Variants in SLC8A1 observed in about 807,000 individuals in gnomAD.
The protein encoded by SLC8A1 is sodium/calcium exchanger 1.
In SLC8A1, 18 loss-of-function variants were observed where a neutral mutation model predicts 68.3. That is an observed-to-expected ratio of 0.26 (90% CI 0.18 to 0.39). The LOEUF is 0.39. SLC8A1 is among the 10% of genes least tolerant of loss of function. SLC8A1 has a pLI of 1.00. For synonymous variants in SLC8A1, 475 were observed against 415.5 expected, an observed-to-expected ratio of 1.14 and a Z score of -1.74; for missense variants, 985 against 1,156.7, an observed-to-expected ratio of 0.85 and a Z score of 2.15.
chr2:40,205,812 T>A (rs1292411198), intron 2 of SLC8A1, among the ~76,000 whole-genome samples: 2 of 124,540 alleles, frequency 1.6e-5, no homozygotes, highest in Admixed American at 9.2e-5. Flanking sequence ...TGAAAAAATA[T>A]CTTGAAAAAA....
chr2:40,253,032 T>C (rs1218846648), intron 2 of SLC8A1, among the ~76,000 whole-genome samples: 2 of 90,588 alleles, frequency 2.2e-5, no homozygotes, highest in African/African-American at 6.2e-5. Context: ...TGTATATACA[T>C]ATGTATCAGT....
At chr2:40,164,879 A>G in exon 5 of SLC8A1, 1 of 1,613,868 alleles carries the variant, frequency 6.2e-7, no homozygotes, top group East Asian at 2.2e-5. Flanking sequence ...TTCTTCAATG[A>G]TCACTTCCAA....
chr2:40,482,631 G>C (rs1191914293), intron 1 of SLC8A1, among the ~76,000 whole-genome samples: 1 of 152,096 alleles, frequency 6.6e-6, no homozygotes, highest in Non-Finnish European at 1.5e-5. Flanking sequence ...CACACAGCTG[G>C]TAAGTGGCAG....
chr2:40,214,876 C>G (rs76703733), intron 2 of SLC8A1, among the ~76,000 whole-genome samples: 5,320 of 152,216 alleles, frequency 0.035, 118 homozygotes, highest in Non-Finnish European at 0.055. Context: ...TGAGGGCTGT[C>G]TCATCCCAAA....
chr2:40,224,712 A>G lies in SLC8A1; in HGVS notation c.1809-46857T>C, dbSNP rs540840090. ...TGATTCTGAATTATTATCAGGCATA[A>G]AATTTGCTTATTTTTTACAACTCCT... On this transcript the variant is annotated intron_variant, in intron 2 of 7. Transcript: ENST00000406785. 5.9e-5 allele frequency among the ~76,000 whole-genome samples: 9 copies of G among 152,270 alleles called. No individual in the cohort carries two copies. The South Asian group carries it at 1.9e-3, about 32-fold the overall frequency.
chr2:40,438,782 G>A (rs778631901), intron 1 of SLC8A1, among the ~76,000 whole-genome samples: 3 of 152,142 alleles, frequency 2.0e-5, no homozygotes, highest in Non-Finnish European at 4.4e-5. Flanking sequence ...ATCAGATACA[G>A]TTGAGGAATC....
intron 2 of SLC8A1, among the ~76,000 whole-genome samples, chr2:40,320,525 G>A (rs1028234855): frequency 2.0e-5 from 3 of 152,158 alleles, no homozygotes; most frequent in Admixed American, 2.0e-4. Context: ...AAATAAGGAA[G>A]AATGGGATTT....
At chr2:40,443,094 G>A (rs1427154909) in intron 1 of SLC8A1, among the ~76,000 whole-genome samples, 1 of 152,020 alleles carries the variant, frequency 6.6e-6, no homozygotes, top group Non-Finnish European at 1.5e-5. Flanking sequence ...ACACACACTG[G>A]GGCTTTCTGA....
At chr2:40,316,597 A>G (rs1199037158) in intron 2 of SLC8A1, among the ~76,000 whole-genome samples, 2 of 152,038 alleles carry the variant, frequency 1.3e-5, no homozygotes, top group South Asian at 2.1e-4. Flanking sequence ...TCACAACACA[A>G]TAATGTATTA....
At chr2:40,259,325 T>A (rs1400038597) in intron 2 of SLC8A1, among the ~76,000 whole-genome samples, 1 of 152,202 alleles carries the variant, frequency 6.6e-6, no homozygotes, top group Non-Finnish European at 1.5e-5. Context: ...TTTCAACAGC[T>A]CCTTCCACAC....
At chr2:40,133,999 T>C (rs1160879546) in intron 7 of SLC8A1, among the ~76,000 whole-genome samples, 2 of 152,170 alleles carry the variant, frequency 1.3e-5, no homozygotes, top group African/African-American at 4.8e-5. Context: ...TCCATAGAAA[T>C]AATGTGATAC....
intron 2 of SLC8A1, among the ~76,000 whole-genome samples, chr2:40,252,475 G>T (rs2062912171): frequency 2.6e-5 from 4 of 152,138 alleles, no homozygotes; most frequent in Admixed American, 2.6e-4. Flanking sequence ...TGGGATGACA[G>T]GCGCCCGCCA....
intron 2 of SLC8A1, among the ~76,000 whole-genome samples, chr2:40,406,813 G>C (rs1275645782): frequency 6.6e-6 from 1 of 152,184 alleles, no homozygotes; most frequent in Non-Finnish European, 1.5e-5. Context: ...CATCTGCAGA[G>C]GGACCTAACT....
chr2:40,505,774 G>A (rs980313474), intron 1 of SLC8A1, among the ~76,000 whole-genome samples: 5 of 151,912 alleles, frequency 3.3e-5, no homozygotes, highest in Non-Finnish European at 7.4e-5. Flanking sequence ...AGATGTCAAC[G>A]GAGCTTAAAT....
intron 2 of SLC8A1, among the ~76,000 whole-genome samples, chr2:40,369,215 C>T (rs1388015180): frequency 3.9e-5 from 6 of 152,030 alleles, no homozygotes; most frequent in African/African-American, 1.2e-4. Flanking sequence ...AGAGCTTCTG[C>T]AAGGCAAAAG....
chr2:40,296,798 T>C (rs1272295271), intron 2 of SLC8A1, among the ~76,000 whole-genome samples: 1 of 152,230 alleles, frequency 6.6e-6, no homozygotes, highest in African/African-American at 2.4e-5. Context: ...ATCTTTGCTC[T>C]ATTTCCTTTA....
intron 1 of SLC8A1, among the ~76,000 whole-genome samples, chr2:40,508,282 AT>A (rs1706494776): frequency 6.6e-6 from 1 of 151,576 alleles, no homozygotes; most frequent in Admixed American, 6.6e-5. Flanking sequence ...CGTCCTCATC[AT>A]TTCTGTTAAG....
At chr2:40,249,456 C>G (rs976040342) in intron 2 of SLC8A1, among the ~76,000 whole-genome samples, 2 of 152,178 alleles carry the variant, frequency 1.3e-5, no homozygotes, top group Non-Finnish European at 2.9e-5. Context: ...TAATTTTCCA[C>G]TTTCTGTAAT....
intron 5 of SLC8A1, among the ~76,000 whole-genome samples, chr2:40,161,107 ATAGCCTCAGTGTT>A (rs750113903): frequency 1.3e-5 from 2 of 152,188 alleles, no homozygotes; most frequent in Non-Finnish European, 2.9e-5. Flanking sequence ...CTAATGAAGA[ATAGCCTCAGTGTT>A]TAGAATAGCA....
Sources: gnomAD v4.1 joint callset for allele counts (sites outside exome capture counted in the v4.1 genomes callset) on GRCh38, gnomAD v4.1.1 for gene constraint, MANE v1.5 for transcripts, NCBI Gene and HGNC (gene_info 2026-07-23, HGNC 2026-07-21) for gene names.